CASP10: variants seen among roughly 807,000 people sequenced by gnomAD.
CASP10 encodes the protein caspase 10, also known as caspase-10.
CASP10 carries 41 observed loss-of-function variants against 48.5 expected under a neutral mutation model. The ratio of observed to expected loss-of-function variants is 0.85; its 90% CI spans 0.66 to 1.10. CASP10 has a LOEUF of 1.10. Among genes scored for constraint, CASP10 ranks in the 50% least tolerant of loss-of-function variants. The pLI is 0.00. For missense variants in CASP10, 614 were observed against 614.5 expected (o/e 1.00, Z 0.01); for synonymous variants, 232 against 238.4 (o/e 0.97, Z 0.25).
intron 2 of CASP10, 108 bp from the exon 3 acceptor site, chr2:201,187,596 CAT>C (rs1944458636): frequency 1.2e-6 from 1 of 841,648 alleles, no homozygotes; most frequent in Non-Finnish European, 2.1e-6. Flanking sequence ...ATTGTCTACA[CAT>C]AGAGTTGATC....
chr2:201,185,232 T>C (rs552359189), intron 1 of CASP10, among the ~76,000 whole-genome samples: 3 of 152,280 alleles, frequency 2.0e-5, no homozygotes, highest in African/African-American at 7.2e-5. Context: ...ATGCCTTCCC[T>C]TTCTGTAAGA....
intron 9 of CASP10, among the ~76,000 whole-genome samples, chr2:201,211,979 A>G (rs541278591): frequency 6.6e-6 from 1 of 151,922 alleles, no homozygotes; most frequent in East Asian, 1.9e-4. Flanking sequence ...TTTAGACAAC[A>G]TCTTGCTCTG....
rs766286100 is a variant in CASP10 at position 201,218,155 on chromosome 2, C to T, written c.*414C>T. On this transcript the variant is annotated 3_prime_UTR_variant, in exon 10 of 10. Transcript: ENST00000286186. ...CAGGCTGGTTTCAAACTCCTAGGCC[C>T]AAGTGATCCTCCCACCTCTGTCCCC... 11 of 1,019,604 alleles carry T rather than the reference C, an allele frequency of 1.1e-5. No homozygotes were observed. In the Admixed American group the frequency reaches 2.0e-4, roughly 18 times the overall value. 63.2% of individuals were successfully genotyped at this position (1,019,604 alleles called of 1,614,324 possible). A position where few individuals can be genotyped will look rare whatever the true frequency, so the allele number is the denominator to read the frequency against.
rs762067226 is a variant in CASP10, at chr2:201,217,696, GA to G, written c.1530del (p.Lys510AsnfsTer2). ...TGCCCCAGCCTGCTTTCACACTAAG[GA>G]AAAAACTAGTATTCCCTGTGCCCCT... ...QMPQPAFTLR[K>X]KLVFPVPLDA... On this transcript the variant is annotated frameshift_variant, in exon 10 of 10. Transcript: ENST00000286186. LOFTEE classifies it low-confidence loss of function (END_TRUNC). 3 of 1,614,088 alleles carry G rather than the reference GA, an allele frequency of 1.9e-6. No homozygotes were observed. The highest frequency in any genetic ancestry group is 1.7e-5 in the Admixed American group (1 of 60,004).
At chr2:201,228,864 C>G in intron 9 of CASP10, 1 of 1,454,686 alleles carries the variant, frequency 6.9e-7, no homozygotes, top group Non-Finnish European at 9.5e-7. Context: ...GGTCCAGCCT[C>G]TCCAGGTCCT....
At chr2:201,215,211 G>GTTTTTTTTTTTTTTTTTTTTTTTTTTTT (rs10616229) in intron 9 of CASP10, among the ~76,000 whole-genome samples, 2 of 29,884 alleles carry the variant, frequency 6.7e-5, no homozygotes, top group African/African-American at 1.1e-4. Flanking sequence ...TCTTCCCTCG[G>GTTTTTTTTTTTTTTTTTTTTTTTTTTTT]TTTTTTTTTT....
intron 4 of CASP10, 60 bp from the exon 5 acceptor site, chr2:201,195,782 A>T: frequency 7.4e-7 from 1 of 1,359,854 alleles, no homozygotes; most frequent in Non-Finnish European, 1.1e-6. Context: ...GGTTCAAGCA[A>T]TTCTCCTGCT....
intron 9 of CASP10, among the ~76,000 whole-genome samples, chr2:201,227,071 T>C (rs1039442129): frequency 3.3e-5 from 5 of 152,024 alleles, no homozygotes; most frequent in African/African-American, 9.7e-5. Context: ...TGGGATGGGA[T>C]TGGGTCTTGG....
chr2:201,189,828 G>T (rs184308686), intron 3 of CASP10, among the ~76,000 whole-genome samples: 25 of 152,010 alleles, frequency 1.6e-4, no homozygotes, highest in African/African-American at 6.0e-4. Flanking sequence ...ACAAAACCCG[G>T]TCTCTACAAA....
At position 201,219,539 on chromosome 2, in the gene CASP10, G is replaced by A; in HGVS notation, c.*1798G>A. ...TACTGCTACTACACTTTGCTCCTCT[G>A]GCCCAAGGCATGAGGAGAGAGGCTG... is the stretch of plus-strand genomic sequence containing the variant. On this transcript the variant is annotated 3_prime_UTR_variant, in exon 10 of 10. Transcript: ENST00000286186. The A allele has an allele frequency of 1.0e-6, 1 of 985,350 alleles. No individual in the cohort carries two copies. Among genetic ancestry groups the A allele is most frequent in the Non-Finnish European group, 1.2e-6 (1 of 829,948 alleles). 61.0% of individuals were successfully genotyped at this position (985,350 alleles called of 1,614,324 possible). A position where few individuals can be genotyped will look rare whatever the true frequency, so the allele number is the denominator to read the frequency against.
At chr2:201,203,611 G>T in intron 5 of CASP10, 119 bp from the exon 6 acceptor site, 2 of 943,264 alleles carry the variant, frequency 2.1e-6, no homozygotes, top group South Asian at 1.3e-5. Flanking sequence ...CCGGCCCAAT[G>T]ACCTTTTCTG....
intron 5 of CASP10, among the ~76,000 whole-genome samples, chr2:201,196,756 A>G (rs555823086): frequency 1.3e-5 from 2 of 152,342 alleles, no homozygotes; most frequent in South Asian, 4.1e-4. Context: ...ATTGTTGTGC[A>G]GACATTACCA....
At chr2:201,206,549 ATACTT>A (rs1047596347) in intron 7 of CASP10, among the ~76,000 whole-genome samples, 2 of 148,142 alleles carry the variant, frequency 1.4e-5, no homozygotes, top group African/African-American at 4.9e-5. Context: ...GTGTATATAT[ATACTT>A]TATTTATAAG....
intron 3 of CASP10, among the ~76,000 whole-genome samples, chr2:201,191,513 TAA>T (rs2126014764): frequency 6.6e-6 from 1 of 152,254 alleles, no homozygotes; most frequent in South Asian, 2.1e-4. Context: ...TGGAAGTGTG[TAA>T]AGGACAGTCT....
chr2:201,206,440 AATAT>A (rs925644716), intron 7 of CASP10, among the ~76,000 whole-genome samples: 1 of 150,044 alleles, frequency 6.7e-6, no homozygotes. Context: ...TCCTACTGTG[AATAT>A]ATATATATAT....
intron 5 of CASP10, chr2:201,200,579 G>C (rs964568621): frequency 1.4e-5 from 22 of 1,577,336 alleles, no homozygotes; most frequent in Non-Finnish European, 1.7e-6. Flanking sequence ...CACAGAGCCG[G>C]GAGAGGCCTG....
chr2:201,198,206 A>G (rs185217518), intron 5 of CASP10, among the ~76,000 whole-genome samples: 2 of 151,640 alleles, frequency 1.3e-5, no homozygotes, highest in Admixed American at 1.3e-4. Flanking sequence ...GGTTGTTTGT[A>G]GAAGTTTTAT....
chr2:201,228,338 C>G (rs6731120), intron 9 of CASP10, among the ~76,000 whole-genome samples: 62,969 of 151,818 alleles, frequency 0.41, 13,602 homozygotes, highest in Non-Finnish European at 0.49. Flanking sequence ...GAGACTCCCT[C>G]TAAAAAAAAA....
downstream of CASP10, among the ~76,000 whole-genome samples, chr2:201,222,220 C>CTTTT (rs11392581): frequency 1.5e-5 from 2 of 136,654 alleles, no homozygotes; most frequent in African/African-American, 5.4e-5. Context: ...TTTATTCATT[C>CTTTT]TTTTTTTTTT....
Sources: gnomAD v4.1 joint callset for allele counts (sites outside exome capture counted in the v4.1 genomes callset) on GRCh38, gnomAD v4.1.1 for gene constraint, MANE v1.5 for transcripts, NCBI Gene and HGNC (gene_info 2026-07-23, HGNC 2026-07-21) for gene names.